Variants in ANO3 observed in about 807,000 individuals in gnomAD.
ANO3 encodes the protein anoctamin 3.
ANO3 carries 99 observed loss-of-function variants against 144.8 expected under a neutral mutation model. That is an observed-to-expected ratio of 0.68 (90% CI 0.58 to 0.81). The LOEUF is 0.81. Among genes scored for constraint, ANO3 ranks in the 30% least tolerant of loss-of-function variants. The pLI, the probability that ANO3 is intolerant of heterozygous loss-of-function variation, is 0.00. For synonymous variants in ANO3, 414 were observed against 392.6 expected, an observed-to-expected ratio of 1.05 and a Z score of -0.64; for missense variants, 905 against 1,202.2, an observed-to-expected ratio of 0.75 and a Z score of 3.66.
chr11:26,282,231 C>T (rs79309692), intron 1 of ANO3, among the ~76,000 whole-genome samples: 9,114 of 151,668 alleles, frequency 0.06, 502 homozygotes, highest in African/African-American at 0.15. Context: ...CATCAGCTAC[C>T]AAAGAAAAGC....
chr11:26,537,316 C>T (rs1053158014), intron 9 of ANO3, 90 bp from the exon 10 acceptor site: 8 of 1,045,450 alleles, frequency 7.7e-6, no homozygotes, highest in South Asian at 1.3e-5. Flanking sequence ...ACTTTTTAAT[C>T]GATTCATTGT....
At chr11:26,626,519 T>C (rs933223310) in intron 18 of ANO3, among the ~76,000 whole-genome samples, 1 of 152,172 alleles carries the variant, frequency 6.6e-6, no homozygotes, top group Non-Finnish European at 1.5e-5. Context: ...GGTTGTTGCC[T>C]GGGAAGAGCA....
chr11:26,473,376 A>G (rs1047573065), intron 4 of ANO3, among the ~76,000 whole-genome samples: 2 of 151,918 alleles, frequency 1.3e-5, no homozygotes, highest in Non-Finnish European at 2.9e-5. Flanking sequence ...GTGACAGTTA[A>G]TTCCTGTGCT....
intron 1 of ANO3, chr11:26,287,826 A>T (rs1853844099): frequency 6.6e-6 from 1 of 152,232 alleles, no homozygotes; most frequent in Non-Finnish European, 1.5e-5. Context: ...TAAGTGCCAT[A>T]ATCAAATATC....
At chr11:26,614,305 A>G (rs1363405295) in intron 17 of ANO3, among the ~76,000 whole-genome samples, 1 of 152,196 alleles carries the variant, frequency 6.6e-6, no homozygotes, top group African/African-American at 2.4e-5. Flanking sequence ...CCTGCTGTGC[A>G]GGTTCACCTG....
At chr11:26,416,028 A>AT (rs375117334) in intron 1 of ANO3, among the ~76,000 whole-genome samples, 250 of 152,072 alleles carry the variant, frequency 1.6e-3, no homozygotes, top group African/African-American at 5.6e-3. Flanking sequence ...TTATGCATTG[A>AT]TTTTTTTAGT....
At chr11:26,253,104 C>T (rs189933197) in intron 1 of ANO3, among the ~76,000 whole-genome samples, 5 of 152,288 alleles carry the variant, frequency 3.3e-5, no homozygotes, top group Admixed American at 3.3e-4. Flanking sequence ...AAGGCAAGCC[C>T]TTTCATACTG....
intron 3 of ANO3, among the ~76,000 whole-genome samples, chr11:26,450,831 A>G (rs1858903615): frequency 6.6e-6 from 1 of 152,222 alleles, no homozygotes; most frequent in Admixed American, 6.5e-5. Flanking sequence ...AATGCAATGT[A>G]ACGGAGTAAC....
chr11:26,573,049 C>A (rs1441211111), intron 14 of ANO3, among the ~76,000 whole-genome samples: 2 of 152,174 alleles, frequency 1.3e-5, no homozygotes, highest in African/African-American at 4.8e-5. Flanking sequence ...CTGGGATCTT[C>A]CGCACATCAG....
intron 17 of ANO3, among the ~76,000 whole-genome samples, chr11:26,615,414 A>ATATATATATATATTTTTTT (rs1352935016): frequency 7.7e-6 from 1 of 130,700 alleles, no homozygotes; most frequent in African/African-American, 3.0e-5. Flanking sequence ...ATATATATAT[A>ATATATATATATATTTTTTT]TTTTTTTTTT....
intron 1 of ANO3, among the ~76,000 whole-genome samples, chr11:26,356,083 G>T (rs1855775366): frequency 6.6e-6 from 1 of 151,784 alleles, no homozygotes. Flanking sequence ...TTTGTGTTTT[G>T]ATTTTTTATG....
intron 1 of ANO3, among the ~76,000 whole-genome samples, chr11:26,229,246 T>C (rs748511334): frequency 8.5e-5 from 13 of 152,202 alleles, no homozygotes; most frequent in Non-Finnish European, 1.6e-4. Flanking sequence ...ATTTTAAGTG[T>C]TTGCAAAACA....
At chr11:26,267,099 A>G (rs1158233817) in intron 1 of ANO3, among the ~76,000 whole-genome samples, 1 of 146,878 alleles carries the variant, frequency 6.8e-6, no homozygotes, top group Non-Finnish European at 1.5e-5. Flanking sequence ...CAAACAAACA[A>G]AAAAAAAAAA....
intron 20 of ANO3, among the ~76,000 whole-genome samples, chr11:26,637,952 A>G (rs1454447425): frequency 3.3e-5 from 5 of 152,186 alleles, no homozygotes; most frequent in Non-Finnish European, 7.3e-5. Flanking sequence ...TTTTCAAGTA[A>G]AACACATCGG....
At chr11:26,473,749 T>C (rs1044438606) in intron 4 of ANO3, among the ~76,000 whole-genome samples, 4 of 151,942 alleles carry the variant, frequency 2.6e-5, no homozygotes, top group African/African-American at 9.7e-5. Flanking sequence ...TCACTGACGT[T>C]ATATGATTAA....
intron 26 of ANO3, among the ~76,000 whole-genome samples, chr11:26,658,457 C>T (rs1430926181): frequency 2.8e-5 from 2 of 71,280 alleles, no homozygotes; most frequent in Non-Finnish European, 8.2e-5. Context: ...ACTAAAAATA[C>T]AAAATAGCCG....
chr11:26,423,223 G>A (rs1857806038), intron 1 of ANO3, among the ~76,000 whole-genome samples: 1 of 151,006 alleles, frequency 6.6e-6, no homozygotes, highest in South Asian at 2.1e-4. Flanking sequence ...AGAAGAATCA[G>A]TGTTTTTGAA....
At chr11:26,502,867 C>A (rs1040375187) in intron 4 of ANO3, among the ~76,000 whole-genome samples, 1 of 145,362 alleles carries the variant, frequency 6.9e-6, no homozygotes, top group Non-Finnish European at 1.5e-5. Flanking sequence ...AAAAAAAAAG[C>A]CTGTCACCTT....
chr11:26,546,104 C>G (rs551506740), intron 11 of ANO3, among the ~76,000 whole-genome samples: 1 of 151,990 alleles, frequency 6.6e-6, no homozygotes, highest in Non-Finnish European at 1.5e-5. Flanking sequence ...AGGTCCTCTA[C>G]TGTGTTAGTA....
Sources: allele counts gnomAD v4.1 joint callset (sites outside exome capture counted in the v4.1 genomes callset), GRCh38; gene constraint gnomAD v4.1.1; transcripts MANE v1.5; gene names NCBI Gene and HGNC (gene_info 2026-07-23, HGNC 2026-07-21).